SYBU: variants seen among roughly 807,000 people sequenced by gnomAD.
SYBU encodes the protein syntabulin.
In SYBU, 21 loss-of-function variants were observed where a neutral mutation model predicts 35.9. The observed-to-expected ratio is 0.58, with a 90% CI of 0.41 to 0.84. The LOEUF (loss-of-function observed/expected upper bound fraction) is 0.84. Among genes scored for constraint, SYBU ranks in the 40% least tolerant of loss-of-function variants. The pLI, the probability that SYBU is intolerant of heterozygous loss-of-function variation, is 0.00. For missense variants in SYBU, 768 were observed against 848.2 expected (o/e 0.91, Z 1.17); for synonymous variants, 319 against 324.3 (o/e 0.98, Z 0.18).
At chr8:109,629,704 C>T (rs996407746) in intron 2 of SYBU, among the ~76,000 whole-genome samples, 1 of 151,806 alleles carries the variant, frequency 6.6e-6, no homozygotes, top group Non-Finnish European at 1.5e-5. Flanking sequence ...GTTCTAGATC[C>T]CTGAGGAATC....
upstream of SYBU, chr8:109,648,992 C>CTTTTTTTTT (rs5893961): frequency 2.3e-5 from 2 of 85,202 alleles, 1 homozygote; most frequent in Non-Finnish European, 4.4e-5. Context: ...AACCCTCCTC[C>CTTTTTTTTT]TTTTTTTTTT....
chr8:109,586,476 C>G (rs1823637902), intron 3 of SYBU: 1 of 286,730 alleles, frequency 3.5e-6, no homozygotes, highest in African/African-American at 2.2e-5. Flanking sequence ...ATGTGAGGCT[C>G]TCACTCCACA....
At chr8:109,627,391 A>T (rs1813106182) in intron 2 of SYBU, among the ~76,000 whole-genome samples, 1 of 152,242 alleles carries the variant, frequency 6.6e-6, no homozygotes, top group Non-Finnish European at 1.5e-5. Context: ...GCTTAAACTC[A>T]TGATAAATAT....
At chr8:109,622,466 C>CAAGTGATCTGCCTGCCTCAGCCTCTCA (rs1812537433) in intron 2 of SYBU, among the ~76,000 whole-genome samples, 1 of 152,122 alleles carries the variant, frequency 6.6e-6, no homozygotes, top group Non-Finnish European at 1.5e-5. Context: ...CTCCTGGCCT[C>CAAGTGATCTGCCTGCCTCAGCCTCTCA]AAGTGATCTG....
At chr8:109,643,185 C>T (rs1411713151) in intron 1 of SYBU, 1 of 1,159,946 alleles carries the variant, frequency 8.6e-7, no homozygotes. Context: ...ATACACACCT[C>T]CACTCACTAG....
At chr8:109,578,602 G>A (rs909375267) in intron 5 of SYBU, among the ~76,000 whole-genome samples, 1 of 152,186 alleles carries the variant, frequency 6.6e-6, no homozygotes, top group East Asian at 1.9e-4. Context: ...GTGTATTTAT[G>A]GAGAGAATAG....
chr8:109,596,315 T>C (rs1055321182), intron 3 of SYBU, among the ~76,000 whole-genome samples: 1 of 152,252 alleles, frequency 6.6e-6, no homozygotes, highest in African/African-American at 2.4e-5. Flanking sequence ...CATTGGCCCA[T>C]GCAAGGCTAT....
At chr8:109,646,747 C>T (rs916241148), upstream of SYBU, 2 of 152,208 alleles carry the variant, frequency 1.3e-5, no homozygotes, top group Non-Finnish European at 1.5e-5. Context: ...AGCAGAAACA[C>T]CCTCCACTGA....
chr8:109,586,393 T>G, intron 3 of SYBU: 2 of 507,076 alleles, frequency 3.9e-6, no homozygotes, highest in Non-Finnish European at 7.0e-6. Context: ...GCTGGTTTCA[T>G]AAAGAGGCCA....
At chr8:109,595,263 A>G (rs992243794) in intron 3 of SYBU, among the ~76,000 whole-genome samples, 1 of 152,162 alleles carries the variant, frequency 6.6e-6, no homozygotes, top group East Asian at 1.9e-4. Context: ...AAAAAAATAA[A>G]AGATGGTCCT....
intron 1 of SYBU, among the ~76,000 whole-genome samples, chr8:109,661,345 A>G (rs375496749): frequency 4.6e-4 from 70 of 152,326 alleles, no homozygotes; most frequent in Non-Finnish European, 6.9e-4. Context: ...AAATAAAAAA[A>G]TTATGATGTT....
At chr8:109,658,916 A>G (rs1816459018) in intron 1 of SYBU, among the ~76,000 whole-genome samples, 1 of 152,100 alleles carries the variant, frequency 6.6e-6, no homozygotes, top group Non-Finnish European at 1.5e-5. Context: ...ATTGCGCCAC[A>G]CTGCACTCAA....
upstream of SYBU, among the ~76,000 whole-genome samples, chr8:109,681,290 C>T (rs926075692): frequency 6.6e-6 from 1 of 151,898 alleles, no homozygotes; most frequent in Non-Finnish European, 1.5e-5. Context: ...GAAAGAAATA[C>T]CTTAGGGGAG....
At chr8:109,680,481 C>A (rs3108838) in intron 1 of SYBU, among the ~76,000 whole-genome samples, 72 of 58,402 alleles carry the variant, frequency 1.2e-3, no homozygotes, top group South Asian at 6.3e-3. Context: ...GGAAATTGTA[C>A]AGTCAGACTG....
chr8:109,615,912 T>C (rs540689991), intron 3 of SYBU, among the ~76,000 whole-genome samples: 2 of 152,066 alleles, frequency 1.3e-5, no homozygotes, highest in South Asian at 4.2e-4. Flanking sequence ...TGAATCAAAA[T>C]AGCATTAAGA....
chr8:109,579,852 T>C lies in SYBU; in HGVS notation c.681A>G (p.Pro227=), dbSNP rs377418797. ...TGTAGGAGCCTGAGTTGCTACTGCTTGGGGAAGAAGGTGCATAACTGGGAT... is the reference window on the plus strand; with the variant it reads ...TGTAGGAGCCTGAGTTGCTACTGCTCGGGGAAGAAGGTGCATAACTGGGAT... ...NIHPSYAPSS[P]SSSNSGSYKG... Residue 227 remains proline, a synonymous_variant, in exon 5 of 7, where the codon CCA becomes CCG. Coordinates refer to ENST00000276646, the MANE Select transcript of SYBU (RefSeq NM_001099754.2). The C allele has an allele frequency of 1.1e-4, 176 of 1,613,820 alleles. 1 individual carries two copies. The East Asian group carries it at 1.9e-3, about 17-fold the overall frequency.
At chr8:109,616,139 G>A (rs1192834512) in intron 3 of SYBU, among the ~76,000 whole-genome samples, 1 of 150,564 alleles carries the variant, frequency 6.6e-6, no homozygotes, top group Non-Finnish European at 1.5e-5. Flanking sequence ...AGCCTCCTGA[G>A]TAGCTGGGAT....
chr8:109,575,488 C>A lies in SYBU; in HGVS notation c.1410G>T (p.Leu470=). The A allele has an allele frequency of 6.2e-7, 1 of 1,614,178 alleles. No individual in the cohort carries two copies. The highest frequency in any genetic ancestry group is 1.1e-5 in the South Asian group (1 of 91,084). The change falls in exon 7 of 7, where the codon CTG becomes CTT. Residue 470 remains leucine, a synonymous_variant. Transcript: ENST00000276646. ...HSTPGANVLE[L]LPIVMGQEEG... ...CCTCCTGACCCATGACTATGGGCAG[C>A]AGCTCCAGGACGTTAGCCCCAGGGG...
chr8:109,601,012 T>G (rs1405853113), intron 3 of SYBU, among the ~76,000 whole-genome samples: 1 of 152,204 alleles, frequency 6.6e-6, no homozygotes, highest in Non-Finnish European at 1.5e-5. Context: ...CATATCCTAT[T>G]TAACATGCTT....
Sources: allele counts gnomAD v4.1 joint callset (sites outside exome capture counted in the v4.1 genomes callset), GRCh38; gene constraint gnomAD v4.1.1; transcripts MANE v1.5; gene names NCBI Gene and HGNC (gene_info 2026-07-23, HGNC 2026-07-21).